PRELID2: variants seen among roughly 807,000 people sequenced by gnomAD.
PRELID2 encodes PRELI domain-containing protein 2.
A neutral mutation model predicts 28.4 loss-of-function variants in PRELID2; 25 were observed. The ratio of observed to expected loss-of-function variants is 0.88; its 90% confidence interval spans 0.64 to 1.23. PRELID2 has a LOEUF of 1.23. PRELID2 is among the 50% of genes most tolerant of loss of function. The pLI, the probability that PRELID2 is intolerant of heterozygous loss-of-function variation, is 0.00. For missense variants in PRELID2, 201 were observed against 214.4 expected (o/e 0.94, Z 0.39); for synonymous variants, 76 against 71.6 (o/e 1.06, Z -0.31).
the PRELID2 span, among the ~76,000 whole-genome samples, chr5:145,447,809 T>A: frequency 4.7e-4 from 63 of 133,066 alleles, no homozygotes; most frequent in Middle Eastern, 3.6e-3. Flanking sequence ...ACTCATCATT[T>A]TTTATGGCTG....
chr5:145,732,205 A>G (rs1341595095), intron 1 of PRELID2, among the ~76,000 whole-genome samples: 1 of 152,220 alleles, frequency 6.6e-6, no homozygotes, highest in Non-Finnish European at 1.5e-5. Flanking sequence ...GCAGTCCTTT[A>G]TCTTGCTGAA....
chr5:145,607,373 G>A (rs1244486374), intron 1 of PRELID2, among the ~76,000 whole-genome samples: 1 of 152,106 alleles, frequency 6.6e-6, no homozygotes, highest in East Asian at 1.9e-4. Context: ...ACTTTTTGAT[G>A]TGGGCTTTTA....
At chr5:145,229,824 T>C in the PRELID2 span, 2 of 759,766 alleles carry the variant, frequency 2.6e-6, no homozygotes, top group East Asian at 2.4e-5. Flanking sequence ...TGTCCGCCCC[T>C]GCATCGCCAA....
the PRELID2 span, among the ~76,000 whole-genome samples, chr5:145,350,606 C>T: frequency 1.1e-3 from 162 of 152,286 alleles, no homozygotes; most frequent in Middle Eastern, 3.4e-3. Context: ...ATGATTCACT[C>T]TAATTTTTCA....
the PRELID2 span, among the ~76,000 whole-genome samples, chr5:145,401,627 T>C: frequency 1.1e-4 from 17 of 152,176 alleles, no homozygotes; most frequent in African/African-American, 3.9e-4. Flanking sequence ...TCTTTACTCA[T>C]ATATATCCTC....
chr5:145,623,833 G>C (rs1441449000), intron 1 of PRELID2, among the ~76,000 whole-genome samples: 1 of 152,166 alleles, frequency 6.6e-6, no homozygotes, highest in African/African-American at 2.4e-5. Flanking sequence ...AACACCAGCT[G>C]GGTGGTCTAC....
chr5:145,482,926 C>T (rs1486936644), intron 1 of PRELID2, among the ~76,000 whole-genome samples: 1 of 152,012 alleles, frequency 6.6e-6, no homozygotes, highest in Non-Finnish European at 1.5e-5. Context: ...GGAGGCAGAG[C>T]TCAGGCGGTA....
At chr5:145,765,092 G>A (rs1274522088) in intron 5 of PRELID2, 92 bp from the exon 6 acceptor site, 3 of 836,042 alleles carry the variant, frequency 3.6e-6, no homozygotes, top group Non-Finnish European at 5.6e-6. Context: ...AAGAATCCAG[G>A]TCATGGCCAT....
chr5:145,301,661 C>T, the PRELID2 span, among the ~76,000 whole-genome samples: 517 of 152,200 alleles, frequency 3.4e-3, 1 homozygote, highest in African/African-American at 0.012. Context: ...ATCTATGACC[C>T]ATCTCAAATT....
chr5:145,649,980 CAT>C (rs1326760323), intron 1 of PRELID2, among the ~76,000 whole-genome samples: 1 of 152,214 alleles, frequency 6.6e-6, no homozygotes, highest in East Asian at 1.9e-4. Context: ...ATATATTACA[CAT>C]GAGAAATGTA....
chr5:145,326,708 C>A, the PRELID2 span, among the ~76,000 whole-genome samples: 1 of 151,704 alleles, frequency 6.6e-6, no homozygotes, highest in Admixed American at 6.6e-5. Flanking sequence ...GGTGAAAGAA[C>A]AATTATGTAT....
intron 1 of PRELID2, among the ~76,000 whole-genome samples, chr5:145,720,020 G>C (rs954936559): frequency 2.6e-5 from 4 of 151,648 alleles, no homozygotes; most frequent in Non-Finnish European, 5.9e-5. Flanking sequence ...AAATGAACAT[G>C]TGATAAGAGG....
chr5:145,785,886 A>C (rs1428789166), intron 5 of PRELID2, among the ~76,000 whole-genome samples: 1 of 152,158 alleles, frequency 6.6e-6, no homozygotes, highest in African/African-American at 2.4e-5. Flanking sequence ...ATATCAGAAG[A>C]TTCTGGTTAC....
intron 1 of PRELID2, among the ~76,000 whole-genome samples, chr5:145,618,048 A>G (rs548774673): frequency 1.3e-5 from 2 of 151,816 alleles, no homozygotes; most frequent in East Asian, 3.9e-4. Context: ...TTTTTTCTTT[A>G]TGTTATCTAT....
chr5:145,464,944 G>A, the PRELID2 span, among the ~76,000 whole-genome samples: 1 of 152,068 alleles, frequency 6.6e-6, no homozygotes, highest in Non-Finnish European at 1.5e-5. Flanking sequence ...CTAAAGTAAA[G>A]TCCCTCAAAA....
At chr5:145,346,781 G>T in the PRELID2 span, among the ~76,000 whole-genome samples, 1 of 152,108 alleles carries the variant, frequency 6.6e-6, no homozygotes, top group Admixed American at 6.6e-5. Flanking sequence ...TAGCCTCAAA[G>T]CATTGATAAT....
At chr5:145,314,730 G>A in the PRELID2 span, among the ~76,000 whole-genome samples, 1 of 151,746 alleles carries the variant, frequency 6.6e-6, no homozygotes, top group East Asian at 1.9e-4. Flanking sequence ...TCATCCCTGG[G>A]CACTATAAAT....
chr5:145,781,915 A>G (rs1336560703), intron 5 of PRELID2, among the ~76,000 whole-genome samples: 1 of 151,944 alleles, frequency 6.6e-6, no homozygotes, highest in East Asian at 1.9e-4. Context: ...TAGTGGCCAC[A>G]AATTCCTATT....
chr5:145,515,599 T>G (rs2126644321), intron 1 of PRELID2, among the ~76,000 whole-genome samples: 1 of 152,250 alleles, frequency 6.6e-6, no homozygotes. Flanking sequence ...CTGAAACTAT[T>G]CCAAACAATA....
Sources: allele counts gnomAD v4.1 joint callset (sites outside exome capture counted in the v4.1 genomes callset), GRCh38; gene constraint gnomAD v4.1.1; transcripts MANE v1.5; gene names NCBI Gene and HGNC (gene_info 2026-07-23, HGNC 2026-07-21).